The following TXNRD1 variants were observed in gnomAD, a reference collection of about 807,000 sequenced individuals.
The protein encoded by TXNRD1 is thioredoxin reductase 1.
Under a neutral mutation model 80.3 loss-of-function variants are expected in TXNRD1, and 57 were observed. That is an observed-to-expected ratio of 0.71 (90% CI 0.57 to 0.89). The LOEUF (loss-of-function observed/expected upper bound fraction) is 0.89, where lower values mean the gene tolerates loss of function less well. TXNRD1 is among the 40% of genes least tolerant of loss of function. The pLI, the probability that TXNRD1 is intolerant of heterozygous loss-of-function variation, is 0.00. For synonymous variants in TXNRD1, 291 were observed against 285.2 expected (o/e 1.02, Z -0.20); for missense variants, 730 against 803.0 (o/e 0.91, Z 1.10).
intron 3 of TXNRD1, among the ~76,000 whole-genome samples, chr12:104,274,137 T>G (rs1426344677): frequency 6.6e-6 from 1 of 152,008 alleles, no homozygotes; most frequent in Non-Finnish European, 1.5e-5. Flanking sequence ...AACTATAAGG[T>G]TCTCATCTGT....
At chr12:104,333,933 G>A (rs992725262) in intron 14 of TXNRD1, among the ~76,000 whole-genome samples, 1 of 152,138 alleles carries the variant, frequency 6.6e-6, no homozygotes, top group Non-Finnish European at 1.5e-5. Flanking sequence ...TGTTTTCAAT[G>A]TATGACAGCA....
intron 16 of TXNRD1, 116 bp from the exon 17 acceptor site, chr12:104,348,237 A>C: frequency 1.2e-6 from 1 of 828,568 alleles, no homozygotes; most frequent in Non-Finnish European, 2.0e-6. Context: ...TCTCTGTTTT[A>C]TTCATTTTGG....
At chr12:104,267,179 A>ATAT (rs33998789) in intron 3 of TXNRD1, among the ~76,000 whole-genome samples, 52 of 140,042 alleles carry the variant, frequency 3.7e-4, no homozygotes, top group African/African-American at 1.3e-3. Flanking sequence ...AAAAAAAAAA[A>ATAT]ATAATATAAT....
chr12:104,280,077 A>AAAAAAAT (rs1284506588), intron 3 of TXNRD1, among the ~76,000 whole-genome samples: 3 of 151,062 alleles, frequency 2.0e-5, no homozygotes, highest in African/African-American at 7.3e-5. Context: ...AAAAAAAAAA[A>AAAAAAAT]AAAAAATTCC....
intron 1 of TXNRD1, among the ~76,000 whole-genome samples, chr12:104,229,602 AT>A (rs1281868532): frequency 1.1e-5 from 1 of 89,300 alleles, no homozygotes. Context: ...TATTTTATTT[AT>A]TTTTTTTGAG....
Position 104,232,100 on chromosome 12 carries a change from A to G in TXNRD1, c.91+16207A>G, listed in dbSNP as rs551789556. On this transcript the variant is annotated intron_variant, in intron 1 of 16. Transcript: ENST00000525566. ...GTGCAGCAAGAATGGTTATTTCTGC[A>G]TAGGACTTTTGGATTGGCTTTGATG... Among the ~76,000 whole-genome samples the G allele has an allele frequency of 2.2e-4, 33 of 152,352 alleles. No individual in the cohort carries two copies. The South Asian group carries it at 6.2e-3, about 29-fold the overall frequency.
intron 3 of TXNRD1, among the ~76,000 whole-genome samples, chr12:104,265,108 T>G (rs12299450): frequency 0.081 from 12,333 of 151,970 alleles, 761 homozygotes; most frequent in African/African-American, 0.17. Flanking sequence ...AAAAATTAGC[T>G]GGGCGTGGTG....
At chr12:104,247,043 C>T (rs2135700186) in intron 1 of TXNRD1, among the ~76,000 whole-genome samples, 1 of 151,634 alleles carries the variant, frequency 6.6e-6, no homozygotes, top group South Asian at 2.1e-4. Flanking sequence ...ATGAAAGCAA[C>T]TTATCATTAC....
At chr12:104,264,979 T>C (rs1310315168) in intron 3 of TXNRD1, among the ~76,000 whole-genome samples, 9 of 152,112 alleles carry the variant, frequency 5.9e-5, no homozygotes, top group Non-Finnish European at 2.9e-5. Flanking sequence ...TTGGGCCAGG[T>C]GCAGTGGCTC....
intron 13 of TXNRD1, among the ~76,000 whole-genome samples, chr12:104,329,451 C>T (rs781462922): frequency 6.6e-6 from 1 of 151,932 alleles, no homozygotes; most frequent in Non-Finnish European, 1.5e-5. Context: ...AATTCGAAAC[C>T]AGCCTGGGCA....
chr12:104,344,895 G>A (rs1009994182), intron 16 of TXNRD1, among the ~76,000 whole-genome samples: 1 of 152,192 alleles, frequency 6.6e-6, no homozygotes, highest in African/African-American at 2.4e-5. Context: ...TTATCCCAAG[G>A]AAGTCTTTTA....
chr12:104,258,073 C>T lies in TXNRD1; in HGVS notation c.298C>T (p.Gln100Ter). 1.3e-6 allele frequency: 2 copies of T among 1,549,464 alleles called. No individual in the cohort carries two copies. The highest frequency in any genetic ancestry group is 1.4e-5 in the African/African-American group (1 of 73,540). Residue 100 changes from glutamine (Q) to a stop codon, truncating the protein, a stop_gained, in exon 3 of 17, where the codon CAA becomes TAA. Transcript: ENST00000525566. LOFTEE classifies it high-confidence loss of function. ...TCCTTATTTTGTGCTTGAACTTGAT[C>T]AAACAGGTAAGTTTCTGTTTAATAT... Reference protein sequence around the residue: ...CVPYFVLELDQTEDGRALEGT... With the variant: ...CVPYFVLELD
intron 4 of TXNRD1, chr12:104,303,867 A>G: frequency 6.8e-7 from 1 of 1,474,706 alleles, no homozygotes; most frequent in Non-Finnish European, 8.9e-7. Flanking sequence ...GAGAAAGGAG[A>G]GGAGCAGCTC....
At chr12:104,303,942 T>C in intron 4 of TXNRD1, 1 of 1,595,598 alleles carries the variant, frequency 6.3e-7, no homozygotes, top group African/African-American at 1.3e-5. Context: ...CTGATGAAGA[T>C]GGATGTGTCA....
intron 3 of TXNRD1, among the ~76,000 whole-genome samples, chr12:104,260,148 G>C (rs1303704872): frequency 6.6e-6 from 1 of 152,006 alleles, no homozygotes; most frequent in Non-Finnish European, 1.5e-5. Context: ...AGCCTGACCA[G>C]TATGGAGAAA....
chr12:104,257,222 G>A (rs1308622963), intron 2 of TXNRD1, among the ~76,000 whole-genome samples: 2 of 151,456 alleles, frequency 1.3e-5, no homozygotes, highest in African/African-American at 2.4e-5. Flanking sequence ...GTATAACCAT[G>A]AGCATAAGAT....
chr12:104,241,542 G>GT (rs1399956137), intron 1 of TXNRD1, among the ~76,000 whole-genome samples: 1 of 151,184 alleles, frequency 6.6e-6, no homozygotes, highest in East Asian at 2.0e-4. Context: ...GGCTAATTTT[G>GT]TATTTTTAGT....
chr12:104,331,192 C>CT (rs1178245375), intron 13 of TXNRD1, among the ~76,000 whole-genome samples: 2 of 152,020 alleles, frequency 1.3e-5, no homozygotes, highest in Admixed American at 1.3e-4. Flanking sequence ...TAATCCAAAA[C>CT]TATCAGATTT....
chr12:104,249,077 A>G (rs976417154), intron 1 of TXNRD1, among the ~76,000 whole-genome samples: 2 of 152,260 alleles, frequency 1.3e-5, no homozygotes, highest in African/African-American at 4.8e-5. Context: ...GTAAAACAAA[A>G]TAACATAAAC....
Sources: gnomAD v4.1 joint callset for allele counts (sites outside exome capture counted in the v4.1 genomes callset) on GRCh38, gnomAD v4.1.1 for gene constraint, MANE v1.5 for transcripts, NCBI Gene and HGNC (gene_info 2026-07-23, HGNC 2026-07-21) for gene names.